Variants in ZNF324B observed in about 807,000 individuals in gnomAD.
ZNF324B encodes the protein zinc finger protein 324B.
In ZNF324B, 7 loss-of-function variants were observed where a neutral mutation model predicts 10.6. That is an observed-to-expected ratio of 0.66 (90% CI 0.38 to 1.24). ZNF324B has a LOEUF of 1.24. Among genes scored for constraint, ZNF324B ranks in the 50% most tolerant of loss-of-function variants. The pLI is 0.02. For synonymous variants in ZNF324B, 316 were observed against 321.0 expected (o/e 0.98, Z 0.17); for missense variants, 640 against 764.7 (o/e 0.84, Z 1.92).
chr19:58,451,434 G>A (rs1484394315), upstream of ZNF324B, among the ~76,000 whole-genome samples: 4 of 152,286 alleles, frequency 2.6e-5, no homozygotes, highest in Admixed American at 2.0e-4. Flanking sequence ...ACCCGCGGCA[G>A]CTGCGCTACT....
Position 58,456,827 on chromosome 19 carries a change from G to C in ZNF324B, c.*248G>C. On this transcript the variant is annotated 3_prime_UTR_variant, in exon 4 of 4. Transcript: ENST00000336614. This position sits in a 1 kb window ranked among gnomAD's most constrained non-coding sequence, Gnocchi z 4.7. ...CATCAGAGGGAGGACATGTCAGCTGGAACTCTGGTGGGGCTGAGGCTGTAG... is the reference window on the plus strand; with the variant it reads ...CATCAGAGGGAGGACATGTCAGCTGCAACTCTGGTGGGGCTGAGGCTGTAG... 1 of 582,188 alleles carries C rather than the reference G, an allele frequency of 1.7e-6. No individual in the cohort carries two copies. The highest frequency in any genetic ancestry group is 2.2e-5 in the South Asian group (1 of 44,976). 36.1% of individuals were successfully genotyped at this position (582,188 alleles called of 1,614,324 possible).
At chr19:58,435,253 G>A in the ZNF324B span, 1 of 1,575,326 alleles carries the variant, frequency 6.3e-7, no homozygotes, top group East Asian at 2.2e-5. Flanking sequence ...ATTCCACTTG[G>A]TGGGAATGGT....
upstream of ZNF324B, among the ~76,000 whole-genome samples, chr19:58,449,475 C>T (rs1340813609): frequency 2.0e-5 from 3 of 152,296 alleles, no homozygotes; most frequent in East Asian, 1.9e-4. Context: ...GCTTGGACCA[C>T]GCACCCGGAA....
the ZNF324B span, chr19:58,437,028 T>A: frequency 8.7e-6 from 14 of 1,614,174 alleles, no homozygotes; most frequent in Admixed American, 1.7e-5. Flanking sequence ...GTCATCACCA[T>A]GCTGAGACAG....
the ZNF324B span, chr19:58,434,444 A>T: frequency 2.5e-6 from 4 of 1,614,124 alleles, no homozygotes; most frequent in African/African-American, 5.3e-5. Context: ...TGATGAACAA[A>T]TGTGAGTTTG....
the ZNF324B span, chr19:58,434,638 C>T: frequency 5.6e-6 from 9 of 1,614,068 alleles, no homozygotes; most frequent in African/African-American, 1.3e-5. Flanking sequence ...GAAATTTCCA[C>T]CTGTTGGGCA....
At position 58,457,008 on chromosome 19, in the gene ZNF324B, G is replaced by A; in HGVS notation, c.*429G>A. Reference sequence around the variant, plus strand: ...CACACAAACTGGCCGCTAGACGGACGCTGAGGACATTTTCCCCCTGAGGCC... The same window carrying A: ...CACACAAACTGGCCGCTAGACGGACACTGAGGACATTTTCCCCCTGAGGCC... On this transcript the variant is annotated 3_prime_UTR_variant, in exon 4 of 4. Transcript: ENST00000336614. 5.1e-6 allele frequency: 1 copy of A among 196,132 alleles called. No homozygotes were observed. Among genetic ancestry groups the A allele is most frequent in the Non-Finnish European group, 1.1e-5 (1 of 93,872 alleles). The allele number at this position is 196,132 out of a possible 1,614,324, so 12.1% of individuals were successfully genotyped here. A position where few individuals can be genotyped will look rare whatever the true frequency, so the allele number is the denominator to read the frequency against.
At chr19:58,439,280 C>T in the ZNF324B span, among the ~76,000 whole-genome samples, 2 of 152,164 alleles carry the variant, frequency 1.3e-5, no homozygotes, top group Non-Finnish European at 2.9e-5. Context: ...AGTCTGCTGC[C>T]CACTAGGCAT....
the ZNF324B span, among the ~76,000 whole-genome samples, chr19:58,425,243 C>T: frequency 1.3e-5 from 2 of 149,122 alleles, no homozygotes; most frequent in African/African-American, 5.0e-5. Context: ...GCGACAGAGC[C>T]AGACTCCATC....
the ZNF324B span, among the ~76,000 whole-genome samples, chr19:58,426,295 C>T: frequency 6.6e-6 from 1 of 152,156 alleles, no homozygotes. Context: ...TGTCTGCCAT[C>T]CGTGTATAAT....
At chr19:58,440,036 G>A in the ZNF324B span, 4 of 556,304 alleles carry the variant, frequency 7.2e-6, no homozygotes, top group African/African-American at 2.0e-5. Context: ...GTAATTAGCC[G>A]GGCACTATGG....
chr19:58,420,002 C>T, the ZNF324B span, among the ~76,000 whole-genome samples: 2 of 152,148 alleles, frequency 1.3e-5, no homozygotes, highest in Non-Finnish European at 2.9e-5. Flanking sequence ...TCGTTTTAGG[C>T]TGGGCGTGGT....
chr19:58,440,354 A>G, the ZNF324B span: 3 of 155,786 alleles, frequency 1.9e-5, no homozygotes, highest in Admixed American at 6.5e-5. Flanking sequence ...ATCCAGAAGG[A>G]CCCTCGCGGT....
At chr19:58,444,189 C>G in the ZNF324B span, 33,870 of 152,236 alleles carry the variant, frequency 0.22, 4,328 homozygotes, top group East Asian at 0.41. Flanking sequence ...TTCTGACACT[C>G]TATCCTACTT....
At position 58,451,623 on chromosome 19, in the gene ZNF324B, T is replaced by C. The variant is rs762121879; in HGVS notation, c.-88T>C. ...GGCTGGACTTCCGGCGTTGGGACTG[T>C]CACTTGGCTGCTCGCGTCAGGCCAC... is the stretch of plus-strand genomic sequence containing the variant. On this transcript the variant is annotated 5_prime_UTR_variant, in exon 1 of 4. Coordinates refer to ENST00000336614, the MANE Select transcript of ZNF324B (RefSeq NM_207395.3). 2 of 517,290 alleles carry C rather than the reference T, an allele frequency of 3.9e-6. No individual in the cohort carries two copies. Among genetic ancestry groups the C allele is most frequent in the Admixed American group, 3.9e-5 (2 of 51,552 alleles). 32.0% of individuals were successfully genotyped at this position (517,290 alleles called of 1,614,324 possible). A position where few individuals can be genotyped will look rare whatever the true frequency, so the allele number is the denominator to read the frequency against.
chr19:58,439,072 C>T, the ZNF324B span, among the ~76,000 whole-genome samples: 1 of 152,212 alleles, frequency 6.6e-6, no homozygotes, highest in Non-Finnish European at 1.5e-5. Flanking sequence ...CTGCACTCAG[C>T]CTTAGGTCAA....
At chr19:58,451,543 C>G (rs1223324084), upstream of ZNF324B, 1 of 507,882 alleles carries the variant, frequency 2.0e-6, no homozygotes, top group Non-Finnish European at 3.9e-6. Flanking sequence ...ACCACATAAC[C>G]CAGAAGGCTG....
In ZNF324B at chr19:58,454,202, G is replaced by A. The variant is rs368194623; in HGVS notation, c.122-26G>A. The A allele has an allele frequency of 2.6e-6, 4 of 1,520,032 alleles. No individual in the cohort carries two copies. The African/African-American group carries it at 5.5e-5, about 21-fold the overall frequency. The allele number at this position is 1,520,032 out of a possible 1,614,324, so 94.2% of individuals were successfully genotyped here. A position where few individuals can be genotyped will look rare whatever the true frequency, so the allele number is the denominator to read the frequency against. On this transcript the variant is annotated intron_variant, in intron 2 of 3. Coordinates refer to ENST00000336614, the MANE Select transcript of ZNF324B (RefSeq NM_207395.3). Reference sequence around the variant, plus strand: ...AGGTGGGTTGTCTTGACCTGGGGCTGGGCTCTCACCTGCTCCTCCTCACAG... The same window carrying A: ...AGGTGGGTTGTCTTGACCTGGGGCTAGGCTCTCACCTGCTCCTCCTCACAG...
the ZNF324B span, chr19:58,442,313 C>A: frequency 1.3e-5 from 2 of 150,584 alleles, no homozygotes; most frequent in Non-Finnish European, 2.9e-5. Context: ...GGACTACAGG[C>A]GCCCGCCACC....
Sources: allele counts gnomAD v4.1 joint callset (sites outside exome capture counted in the v4.1 genomes callset), GRCh38; gene constraint gnomAD v4.1.1; non-coding constraint Gnocchi (gnomAD v3.1); transcripts MANE v1.5; gene names NCBI Gene and HGNC (gene_info 2026-07-23, HGNC 2026-07-21).